Variants in RSRC1 observed in about 807,000 individuals in gnomAD.
The protein encoded by RSRC1 is arginine and serine rich coiled-coil 1.
RSRC1 carries 39 observed loss-of-function variants against 49.1 expected under a neutral mutation model. That is an observed-to-expected ratio of 0.79 (90% CI 0.61 to 1.04). The LOEUF is 1.04. RSRC1 is among the 50% of genes least tolerant of loss of function. The pLI is 0.00. For synonymous variants in RSRC1, 143 were observed against 130.8 expected, an observed-to-expected ratio of 1.09 and a Z score of -0.63; for missense variants, 388 against 402.4, an observed-to-expected ratio of 0.96 and a Z score of 0.31.
At chr3:158,540,562 A>G (rs1354579531) in intron 8 of RSRC1, among the ~76,000 whole-genome samples, 1 of 151,676 alleles carries the variant, frequency 6.6e-6, no homozygotes, top group Non-Finnish European at 1.5e-5. Context: ...ATTTTAATTG[A>G]ATAAAACACA....
At chr3:158,139,949 A>AT (rs1005288707) in intron 3 of RSRC1, among the ~76,000 whole-genome samples, 15 of 151,756 alleles carry the variant, frequency 9.9e-5, no homozygotes, top group Admixed American at 3.3e-4. Context: ...TCCAATTAGT[A>AT]TTTTTTTTCT....
At chr3:158,254,907 A>G (rs1437811771) in intron 4 of RSRC1, among the ~76,000 whole-genome samples, 3 of 151,704 alleles carry the variant, frequency 2.0e-5, no homozygotes, top group Non-Finnish European at 4.4e-5. Context: ...CCACTTTTTG[A>G]TGGGGTTGTT....
chr3:158,329,991 C>A (rs1729446677), intron 5 of RSRC1, among the ~76,000 whole-genome samples: 1 of 152,210 alleles, frequency 6.6e-6, no homozygotes, highest in Non-Finnish European at 1.5e-5. Flanking sequence ...GAGTGTTGTG[C>A]TAGCAATGAG....
chr3:158,166,732 G>C (rs1466579502), intron 3 of RSRC1, among the ~76,000 whole-genome samples: 1 of 152,126 alleles, frequency 6.6e-6, no homozygotes, highest in Admixed American at 6.6e-5. Context: ...TCAGTATTTA[G>C]AAACAAATGG....
chr3:158,285,107 C>T (rs1332064362), intron 4 of RSRC1, among the ~76,000 whole-genome samples: 2 of 152,184 alleles, frequency 1.3e-5, no homozygotes, highest in Non-Finnish European at 2.9e-5. Context: ...CAGCTTTCTA[C>T]ATATGGCTAG....
chr3:158,354,378 C>T (rs907700294), intron 5 of RSRC1, among the ~76,000 whole-genome samples: 2 of 152,184 alleles, frequency 1.3e-5, no homozygotes, highest in Non-Finnish European at 2.9e-5. Flanking sequence ...GAGCCGGAAG[C>T]ATATAAGCCA....
chr3:158,140,760 A>G (rs930166871), intron 3 of RSRC1, among the ~76,000 whole-genome samples: 6 of 152,172 alleles, frequency 3.9e-5, no homozygotes, highest in South Asian at 4.1e-4. Context: ...GTGTACTACC[A>G]TGTGGTATTT....
intron 4 of RSRC1, among the ~76,000 whole-genome samples, chr3:158,235,939 A>G (rs1233242181): frequency 1.3e-5 from 2 of 152,122 alleles, no homozygotes; most frequent in Non-Finnish European, 2.9e-5. Context: ...AACATGGTGA[A>G]ACCCTGCATC....
chr3:158,423,465 T>G (rs1357518768), intron 6 of RSRC1, among the ~76,000 whole-genome samples: 1 of 152,184 alleles, frequency 6.6e-6, no homozygotes, highest in African/African-American at 2.4e-5. Context: ...TACCATGCTG[T>G]TTTGGTTACT....
chr3:158,376,362 A>C (rs1228276223), intron 6 of RSRC1, among the ~76,000 whole-genome samples: 1 of 151,708 alleles, frequency 6.6e-6, no homozygotes, highest in African/African-American at 2.4e-5. Flanking sequence ...GGGTTTCACC[A>C]TGTTGGTCAG....
intron 6 of RSRC1, among the ~76,000 whole-genome samples, chr3:158,443,958 C>T (rs1472440220): frequency 1.3e-5 from 2 of 152,120 alleles, no homozygotes; most frequent in East Asian, 1.9e-4. Context: ...GTTGGTGGCA[C>T]AGTCAGAAAA....
intron 3 of RSRC1, among the ~76,000 whole-genome samples, chr3:158,140,896 G>C (rs543426083): frequency 1.7e-4 from 26 of 152,156 alleles, no homozygotes; most frequent in Non-Finnish European, 3.1e-4. Context: ...CTGCTAGAGA[G>C]GATTTAAAAT....
chr3:158,341,286 G>C (rs916359788), intron 5 of RSRC1, among the ~76,000 whole-genome samples: 1 of 152,042 alleles, frequency 6.6e-6, no homozygotes, highest in Non-Finnish European at 1.5e-5. Flanking sequence ...AGACCTTCAT[G>C]GCAGCCCCTC....
At chr3:158,533,912 A>G (rs555941232) in intron 7 of RSRC1, among the ~76,000 whole-genome samples, 2 of 151,610 alleles carry the variant, frequency 1.3e-5, no homozygotes, top group African/African-American at 4.8e-5. Context: ...TAGCTGGGCA[A>G]AGAATCTTCT....
At chr3:158,457,905 C>A (rs1354787668) in intron 6 of RSRC1, among the ~76,000 whole-genome samples, 1 of 151,930 alleles carries the variant, frequency 6.6e-6, no homozygotes, top group Non-Finnish European at 1.5e-5. Context: ...AAATGTTTTA[C>A]AGGATTTGTG....
Position 158,195,635 on chromosome 3 carries a change from A to G in RSRC1, c.321-7437A>G, listed in dbSNP as rs1212096947. ...CTAGGGTTTTTATGGTTTTAGGTCT[A>G]AGATTTAAGTCTATAATCCATGTTG... On this transcript the variant is annotated intron_variant, in intron 3 of 9. Transcript: ENST00000611884. Among the ~76,000 whole-genome samples, 3 of 152,124 alleles carry G rather than the reference A, an allele frequency of 2.0e-5. No homozygotes were observed. The East Asian group carries it at 5.8e-4, about 29-fold the overall frequency.
intron 7 of RSRC1, among the ~76,000 whole-genome samples, chr3:158,503,394 G>A (rs776652424): frequency 6.6e-6 from 1 of 152,176 alleles, no homozygotes; most frequent in Non-Finnish European, 1.5e-5. Flanking sequence ...TTTCCAGAGA[G>A]CATCAGCTGT....
chr3:158,454,457 T>C (rs190561420), intron 6 of RSRC1, among the ~76,000 whole-genome samples: 121 of 152,268 alleles, frequency 7.9e-4, no homozygotes, highest in Non-Finnish European at 1.3e-3. Flanking sequence ...GTAAGCCTCT[T>C]TACATTCAGG....
intron 5 of RSRC1, among the ~76,000 whole-genome samples, chr3:158,311,632 A>T (rs1728134547): frequency 6.6e-6 from 1 of 152,026 alleles, no homozygotes; most frequent in Non-Finnish European, 1.5e-5. Context: ...CAAATTCTGG[A>T]AATCTAATGT....
Sources: allele counts gnomAD v4.1 joint callset (sites outside exome capture counted in the v4.1 genomes callset), GRCh38; gene constraint gnomAD v4.1.1; transcripts MANE v1.5; gene names NCBI Gene and HGNC (gene_info 2026-07-23, HGNC 2026-07-21).